Variants in KDM4C observed in about 807,000 individuals in gnomAD.
KDM4C encodes lysine demethylase 4C.
A neutral mutation model predicts 129.3 loss-of-function variants in KDM4C; 81 were observed. The ratio of observed to expected loss-of-function variants is 0.63; its 90% CI spans 0.52 to 0.75. The LOEUF is 0.75. KDM4C is among the 30% of genes least tolerant of loss of function. The pLI, the probability that KDM4C is intolerant of heterozygous loss-of-function variation, is 0.00. For missense variants in KDM4C, 1,457 were observed against 1,304.0 expected, an observed-to-expected ratio of 1.12 and a Z score of -1.81; for synonymous variants, 573 against 456.1, an observed-to-expected ratio of 1.26 and a Z score of -3.26.
At chr9:6,934,719 C>G (rs1475509772) in intron 8 of KDM4C, among the ~76,000 whole-genome samples, 1 of 151,946 alleles carries the variant, frequency 6.6e-6, no homozygotes, top group Non-Finnish European at 1.5e-5. Flanking sequence ...ACCTCGGCCT[C>G]CCAAAGTGCT....
At chr9:7,077,211 A>G (rs1740273327) in intron 17 of KDM4C, 1 of 985,296 alleles carries the variant, frequency 1.0e-6, no homozygotes, top group African/African-American at 1.7e-5. Context: ...GGTCATTGGC[A>G]TTCAAGATGC....
chr9:6,772,887 G>T (rs1317015544), intron 1 of KDM4C, among the ~76,000 whole-genome samples: 1 of 148,294 alleles, frequency 6.7e-6, no homozygotes, highest in Non-Finnish European at 1.5e-5. Context: ...GTAGAGATGG[G>T]GTTTCACCAT....
intron 8 of KDM4C, among the ~76,000 whole-genome samples, chr9:6,906,819 A>C (rs1015702958): frequency 3.9e-5 from 6 of 152,226 alleles, no homozygotes; most frequent in African/African-American, 9.7e-5. Context: ...ATTTGTGCAC[A>C]GTTGTAGACT....
intron 1 of KDM4C, among the ~76,000 whole-genome samples, chr9:6,722,593 A>G (rs1816991617): frequency 6.6e-6 from 1 of 151,278 alleles, no homozygotes; most frequent in South Asian, 2.1e-4. Context: ...GGCTCACTGC[A>G]ACCTCTGCCT....
intron 1 of KDM4C, among the ~76,000 whole-genome samples, chr9:6,768,146 G>A (rs150712629): frequency 9.9e-4 from 151 of 152,144 alleles, no homozygotes; most frequent in African/African-American, 3.5e-3. Context: ...TCAGGCATTG[G>A]AAGACTAATG....
intron 5 of KDM4C, among the ~76,000 whole-genome samples, chr9:6,865,068 A>G (rs548089514): frequency 9.1e-5 from 13 of 143,014 alleles, no homozygotes; most frequent in Middle Eastern, 3.9e-3. Flanking sequence ...GAGTGCAGTG[A>G]CGCGATCTCG....
At chr9:6,833,262 A>G (rs1835244864) in intron 4 of KDM4C, among the ~76,000 whole-genome samples, 2 of 152,128 alleles carry the variant, frequency 1.3e-5, no homozygotes, top group African/African-American at 4.8e-5. Context: ...AAAAAACAGA[A>G]TGCATATCTG....
At chr9:7,008,319 C>G (rs555022415) in intron 12 of KDM4C, among the ~76,000 whole-genome samples, 113 of 152,278 alleles carry the variant, frequency 7.4e-4, no homozygotes, top group African/African-American at 2.6e-3. Flanking sequence ...ATCTCTCAGC[C>G]TCAAGACTAG....
chr9:7,078,140 A>G (rs752691571), intron 17 of KDM4C, among the ~76,000 whole-genome samples: 1 of 152,190 alleles, frequency 6.6e-6, no homozygotes, highest in Non-Finnish European at 1.5e-5. Flanking sequence ...GGAATATGCC[A>G]TATTGTCGTT....
chr9:6,921,959 A>G (rs1230050109), intron 8 of KDM4C, among the ~76,000 whole-genome samples: 1 of 152,154 alleles, frequency 6.6e-6, no homozygotes, highest in Non-Finnish European at 1.5e-5. Context: ...AGTATTGTTC[A>G]AATGTCATCT....
chr9:7,057,237 G>A (rs1830986712), intron 17 of KDM4C, among the ~76,000 whole-genome samples: 1 of 152,178 alleles, frequency 6.6e-6, no homozygotes, highest in South Asian at 2.1e-4. Flanking sequence ...ATTTCACTGT[G>A]GTATATTTTA....
Position 6,849,689 on chromosome 9 carries a change from G to A in KDM4C, c.618G>A (p.Glu206=), listed in dbSNP as rs7864351. 6.4e-7 allele frequency: 1 copy of A among 1,561,346 alleles called. No individual in the cohort carries two copies. The highest frequency in any genetic ancestry group is 1.8e-5 in the Admixed American group (1 of 56,314). Residue 206 remains glutamate (E), a synonymous_variant, in exon 5 of 22, where the codon GAG becomes GAA. Transcript: ENST00000381309. The part of the protein sequence containing the change: ...LYSINYLHFG[E]PKSWYAIPPE... ...GCATTAATTATCTCCACTTTGGAGA[G>A]CCCAAGTCTTGGCAAGTTACTTGTT...
chr9:6,880,070 T>A lies in KDM4C; in HGVS notation c.679+9T>A, dbSNP rs747181206. On this transcript the variant is annotated intron_variant, in intron 6 of 21. Coordinates refer to ENST00000381309, the MANE Select transcript of KDM4C (RefSeq NM_015061.6). ...TGAAAGACTAGCTCAAGGTAAAACT[T>A]GCTTTTTAAATTTGTTTTCTGTGTT... 6.3e-7 allele frequency: 1 copy of A among 1,584,414 alleles called. No individual in the cohort carries two copies. The highest frequency in any genetic ancestry group is 2.2e-5 in the East Asian group (1 of 44,478).
rs544899568 is a variant in KDM4C, at chr9:7,116,143, G to C, written c.2611-11923G>C. Among the ~76,000 whole-genome samples the C allele has an allele frequency of 3.9e-5, 6 of 152,258 alleles. 1 individual carries two copies. The South Asian group carries it at 1.2e-3, about 32-fold the overall frequency. ...ACCTGGCACTCGGACGCTTTTGCTT[G>C]GAGCAGGAGACATGGAGAAGTGAAA... On this transcript the variant is annotated intron_variant, in intron 18 of 21. Coordinates refer to ENST00000381309, the MANE Select transcript of KDM4C (RefSeq NM_015061.6).
chr9:6,745,954 C>T (rs1817857855), intron 1 of KDM4C, among the ~76,000 whole-genome samples: 1 of 152,086 alleles, frequency 6.6e-6, no homozygotes, highest in South Asian at 2.1e-4. Context: ...GGATTACAGG[C>T]ATGTGCCACC....
intron 4 of KDM4C, among the ~76,000 whole-genome samples, chr9:6,820,291 G>A (rs1377206694): frequency 1.3e-5 from 2 of 152,168 alleles, no homozygotes; most frequent in African/African-American, 2.4e-5. Context: ...AGAGTGAAAG[G>A]TGGGACCAGA....
At chr9:7,012,120 G>A (rs1380399852) in intron 13 of KDM4C, among the ~76,000 whole-genome samples, 1 of 152,218 alleles carries the variant, frequency 6.6e-6, no homozygotes, top group Non-Finnish European at 1.5e-5. Context: ...CCAGGCTGAA[G>A]TGCAGTGGCA....
chr9:6,778,687 A>G (rs1192505578), intron 1 of KDM4C, among the ~76,000 whole-genome samples: 1 of 151,844 alleles, frequency 6.6e-6, no homozygotes, highest in African/African-American at 2.4e-5. Context: ...GAATCTCTTG[A>G]ACCCAGGAAG....
intron 7 of KDM4C, among the ~76,000 whole-genome samples, chr9:6,890,895 T>C (rs147759073): frequency 6.6e-6 from 1 of 152,344 alleles, no homozygotes; most frequent in East Asian, 1.9e-4. Context: ...ATAATGGAGC[T>C]TGAACCGTGC....
Sources: gnomAD v4.1 joint callset for allele counts (sites outside exome capture counted in the v4.1 genomes callset) on GRCh38, gnomAD v4.1.1 for gene constraint, MANE v1.5 for transcripts, NCBI Gene and HGNC (gene_info 2026-07-23, HGNC 2026-07-21) for gene names.